Variants in COL5A1 observed in about 807,000 individuals in gnomAD.
The protein encoded by COL5A1 is collagen alpha-1(V) chain.
Under a neutral mutation model 263.7 loss-of-function variants are expected in COL5A1, and 16 were observed. That is an observed-to-expected ratio of 0.06 (90% confidence interval 0.04 to 0.09). The LOEUF (loss-of-function observed/expected upper bound fraction) is 0.09. COL5A1 is among the 10% of genes least tolerant of loss of function. COL5A1 has a pLI of 1.00. For missense variants in COL5A1, 2,036 were observed against 2,540.5 expected, an observed-to-expected ratio of 0.80 and a Z score of 4.27; for synonymous variants, 1,012 against 1,004.5, an observed-to-expected ratio of 1.01 and a Z score of -0.14.
intron 18 of COL5A1, among the ~76,000 whole-genome samples, chr9:134,760,399 CCCA>C (rs372259240): frequency 0.012 from 1,378 of 112,234 alleles, 98 homozygotes; most frequent in African/African-American, 0.05. Flanking sequence ...CCCCCACACC[CCCA>C]CACTCATACA....
Position 134,775,012 on chromosome 9 carries a change from T to C in COL5A1, c.2385+100T>C, listed in dbSNP as rs184618696. 30 of 1,100,328 alleles carry C rather than the reference T, an allele frequency of 2.7e-5. No individual in the cohort carries two copies. The Admixed American group carries it at 5.5e-4, about 20-fold the overall frequency. The allele number at this position is 1,100,328 out of a possible 1,614,324, so 68.2% of individuals were successfully genotyped here. A position where few individuals can be genotyped will look rare whatever the true frequency, so the allele number is the denominator to read the frequency against. On this transcript the variant is annotated intron_variant, in intron 27 of 65. Coordinates refer to ENST00000371817, the MANE Select transcript of COL5A1 (RefSeq NM_000093.5). ...TTAGGGAATTCTCTGTGGTTTAATG[T>C]CCCTGCTATTCAGTCTGGAGTAGCC... is the stretch of plus-strand genomic sequence containing the variant.
chr9:134,830,500 A>G, intron 64 of COL5A1: 1 of 472,970 alleles, frequency 2.1e-6, no homozygotes, highest in Non-Finnish European at 3.8e-6. Flanking sequence ...CTGAGGTCAG[A>G]CGCTCCAGAA....
intron 4 of COL5A1, among the ~76,000 whole-genome samples, chr9:134,725,115 C>T (rs975372473): frequency 1.3e-5 from 2 of 152,170 alleles, no homozygotes; most frequent in Admixed American, 6.5e-5. Context: ...GGACCGGAGA[C>T]GCCACCGTCT....
intron 1 of COL5A1, among the ~76,000 whole-genome samples, chr9:134,671,471 G>A (rs551161539): frequency 5.3e-5 from 8 of 152,144 alleles, no homozygotes; most frequent in Non-Finnish European, 1.0e-4. Flanking sequence ...CTCTGGTCCC[G>A]GGGAAGTAAT....
intron 43 of COL5A1, among the ~76,000 whole-genome samples, chr9:134,809,691 C>T (rs1193023926): frequency 1.3e-5 from 2 of 152,222 alleles, no homozygotes; most frequent in Non-Finnish European, 2.9e-5. Flanking sequence ...TATCCAGGCT[C>T]CCGTTCATTA....
rs897342924 is a variant in COL5A1 at position 134,696,037 on chromosome 9, C to T, written c.278-3872C>T. Among the ~76,000 whole-genome samples the T allele has an allele frequency of 1.3e-5, 2 of 152,200 alleles. No individual in the cohort carries two copies. Among genetic ancestry groups the T allele is most frequent in the Non-Finnish European group, 2.9e-5 (2 of 68,016 alleles). On this transcript the variant is annotated intron_variant, in intron 2 of 65. Coordinates refer to ENST00000371817, the MANE Select transcript of COL5A1 (RefSeq NM_000093.5). The surrounding 1 kb of genome is among the most constrained non-coding windows in gnomAD (Gnocchi z 4.3). ...CTTAGCCCGGCCCCTCCTGGGCTGCCAGGGTCCAGCTGAAACCTCAGCCGC... is the reference window on the plus strand; with the variant it reads ...CTTAGCCCGGCCCCTCCTGGGCTGCTAGGGTCCAGCTGAAACCTCAGCCGC...
Position 134,758,109 on chromosome 9 carries a change from G to C in COL5A1, c.1882-134G>C. On this transcript the variant is annotated intron_variant, in intron 17 of 65. Coordinates refer to ENST00000371817, the MANE Select transcript of COL5A1 (RefSeq NM_000093.5). The surrounding 1 kb of genome is among the most constrained non-coding windows in gnomAD (Gnocchi z 4.1). ...GGGGCCTATGGGGAGAGGGCTGGCCGATGGGGTTCAGGGTGCATAGATGCT... is the reference window on the plus strand; with the variant it reads ...GGGGCCTATGGGGAGAGGGCTGGCCCATGGGGTTCAGGGTGCATAGATGCT... The C allele has an allele frequency of 2.4e-6, 2 of 846,088 alleles. No individual in the cohort carries two copies. The highest frequency in any genetic ancestry group is 1.4e-5 in the South Asian group (1 of 73,752). The allele number at this position is 846,088 out of a possible 1,614,324, so 52.4% of individuals were successfully genotyped here.
chr9:134,725,000 G>A (rs1379196486), intron 4 of COL5A1, among the ~76,000 whole-genome samples: 1 of 152,202 alleles, frequency 6.6e-6, no homozygotes, highest in African/African-American at 2.4e-5. Flanking sequence ...CTCTGGAAAA[G>A]TGTGCAGATG....
intron 4 of COL5A1, among the ~76,000 whole-genome samples, chr9:134,703,390 G>C (rs907189076): frequency 2.0e-5 from 3 of 152,230 alleles, no homozygotes; most frequent in Admixed American, 6.5e-5. Flanking sequence ...GAGTCACACA[G>C]ACTGGGATCA....
chr9:134,688,494 G>A (rs1042175627), intron 1 of COL5A1, among the ~76,000 whole-genome samples: 6 of 152,202 alleles, frequency 3.9e-5, no homozygotes, highest in African/African-American at 4.8e-5. Context: ...GGCACTCAGC[G>A]TTTCTTCTCA....
chr9:134,795,048 G>C, intron 32 of COL5A1, 34 bp from the exon 33 acceptor site: 2 of 1,611,658 alleles, frequency 1.2e-6, no homozygotes, highest in South Asian at 2.2e-5. Flanking sequence ...CGGGCATTTA[G>C]AGAGTGACTG....
Position 134,776,442 on chromosome 9 carries a change from G to A in COL5A1, c.2385+1530G>A, listed in dbSNP as rs1837053511. ...TGATTAAAATTCATTCATGACATGAGCAATCCAGTTAGACTTGGAAGCAGA... is the reference window on the plus strand; with the variant it reads ...TGATTAAAATTCATTCATGACATGAACAATCCAGTTAGACTTGGAAGCAGA... On this transcript the variant is annotated intron_variant, in intron 27 of 65. Transcript: ENST00000371817. Among the ~76,000 whole-genome samples, 4 of 152,344 alleles carry A rather than the reference G, an allele frequency of 2.6e-5. No individual in the cohort carries two copies. In the South Asian group the frequency reaches 8.3e-4, roughly 32 times the overall value.
chr9:134,762,857 G>C (rs780284628), intron 19 of COL5A1, among the ~76,000 whole-genome samples: 3 of 150,088 alleles, frequency 2.0e-5, no homozygotes, highest in Middle Eastern at 3.2e-3. Flanking sequence ...AGTGCTTCTT[G>C]ATTGAGAGGA....
In COL5A1 at chr9:134,642,050, G is replaced by A; in HGVS notation, c.-138G>A. ...ACAGCCGCCGCCACAAAGAAGAACG[G>A]GGGGTGCCGAGGTCCCCATGACCTC... On this transcript the variant is annotated 5_prime_UTR_variant, in exon 1 of 66. Transcript: ENST00000371817. The surrounding 1 kb of genome is among the most constrained non-coding windows in gnomAD (Gnocchi z 4.5). 2.8e-6 allele frequency: 2 copies of A among 710,602 alleles called. No homozygotes were observed. Among genetic ancestry groups the A allele is most frequent in the Non-Finnish European group, 3.9e-6 (2 of 512,496 alleles). 44.0% of individuals were successfully genotyped at this position (710,602 alleles called of 1,614,324 possible). A position where few individuals can be genotyped will look rare whatever the true frequency, so the allele number is the denominator to read the frequency against.
intron 38 of COL5A1, among the ~76,000 whole-genome samples, chr9:134,802,374 C>A (rs1423816301): frequency 6.6e-6 from 1 of 152,228 alleles, no homozygotes; most frequent in Non-Finnish European, 1.5e-5. Context: ...ATTCTAACCG[C>A]AGACCAGTGG....
Position 134,814,025 on chromosome 9 carries a change from G to C in COL5A1, c.3895G>C (p.Gly1299Arg). Reference protein sequence around the residue: ...EAGEPGLPGEGGPPGPKGERG... With the variant: ...EAGEPGLPGERGPPGPKGERG... Reference sequence around the variant, plus strand: ...AGGTGAGCCTGGCCTTCCGGGAGAAGGCGGCCCCCCGGTGAGTGAGCGGGC... The same window carrying C: ...AGGTGAGCCTGGCCTTCCGGGAGAACGCGGCCCCCCGGTGAGTGAGCGGGC... The change falls in exon 49 of 66, where the codon GGC becomes CGC. Residue 1299 changes from glycine to arginine, a missense_variant. This residue lies in a region of COL5A1 where 1,078 missense variants were observed against 1,521.4 expected (regional missense o/e 0.71). Coordinates refer to ENST00000371817, the MANE Select transcript of COL5A1 (RefSeq NM_000093.5). 6.4e-7 allele frequency: 1 copy of C among 1,550,840 alleles called. No homozygotes were observed. The highest frequency in any genetic ancestry group is 1.2e-5 in the South Asian group (1 of 84,056).
intron 1 of COL5A1, among the ~76,000 whole-genome samples, chr9:134,661,246 G>A (rs1354129539): frequency 2.0e-5 from 3 of 151,738 alleles, no homozygotes; most frequent in African/African-American, 4.8e-5. Flanking sequence ...CCTTGGATTG[G>A]GATCTTTGGG....
intron 13 of COL5A1, among the ~76,000 whole-genome samples, chr9:134,751,162 G>A (rs1835766749): frequency 6.6e-6 from 1 of 150,836 alleles, no homozygotes; most frequent in Non-Finnish European, 1.5e-5. Flanking sequence ...GACCCCGAGA[G>A]CGTGTCACTG....
intron 4 of COL5A1, chr9:134,709,377 T>A (rs529690893): frequency 3.6e-5 from 10 of 278,716 alleles, no homozygotes; most frequent in African/African-American, 2.3e-4. Flanking sequence ...CCTGGTGCAG[T>A]AGGCAGCTGC....
Sources: gnomAD v4.1 joint callset for allele counts (sites outside exome capture counted in the v4.1 genomes callset) on GRCh38, gnomAD v4.1.1 for gene constraint, gnomAD v4.1.1 regional missense constraint, Gnocchi (gnomAD v3.1) non-coding constraint, MANE v1.5 for transcripts, NCBI Gene and HGNC (gene_info 2026-07-23, HGNC 2026-07-21) for gene names.